ZNF385B: variants seen among roughly 807,000 people sequenced by gnomAD.
The protein encoded by ZNF385B is zinc finger protein 385B, also known as zinc finger protein 533.
Under a neutral mutation model 39.2 loss-of-function variants are expected in ZNF385B, and 23 were observed. The observed-to-expected ratio is 0.59, with a 90% CI of 0.42 to 0.83. The LOEUF (loss-of-function observed/expected upper bound fraction) is 0.83, where lower values mean the gene tolerates loss of function less well. ZNF385B is among the 40% of genes least tolerant of loss of function. ZNF385B has a pLI of 0.00. For missense variants in ZNF385B, 552 were observed against 598.9 expected, an observed-to-expected ratio of 0.92 and a Z score of 0.82; for synonymous variants, 205 against 222.6, an observed-to-expected ratio of 0.92 and a Z score of 0.70.
chr2:179,597,099 A>G (rs1422078263), intron 3 of ZNF385B, among the ~76,000 whole-genome samples: 2 of 152,146 alleles, frequency 1.3e-5, no homozygotes, highest in Admixed American at 6.5e-5. Flanking sequence ...TTTAATGTCC[A>G]TATTTCTACT....
chr2:179,504,535 C>T (rs900449706), intron 5 of ZNF385B, among the ~76,000 whole-genome samples: 2 of 151,910 alleles, frequency 1.3e-5, no homozygotes, highest in Non-Finnish European at 2.9e-5. Context: ...CTCTCCAGCA[C>T]CTGTTGTTTC....
intron 3 of ZNF385B, among the ~76,000 whole-genome samples, chr2:179,700,906 C>G (rs1175932873): frequency 6.6e-6 from 1 of 152,000 alleles, no homozygotes; most frequent in Non-Finnish European, 1.5e-5. Context: ...CGCAGCTACT[C>G]GGGAGGCTGA....
intron 1 of ZNF385B, among the ~76,000 whole-genome samples, chr2:179,779,281 C>T (rs1324345164): frequency 6.6e-6 from 1 of 152,164 alleles, no homozygotes; most frequent in Non-Finnish European, 1.5e-5. Context: ...ATCCTATGTG[C>T]ACAGGTCCGG....
chr2:179,615,886 C>A (rs531992227), intron 3 of ZNF385B, among the ~76,000 whole-genome samples: 76 of 152,190 alleles, frequency 5.0e-4, no homozygotes, highest in African/African-American at 1.8e-3. Context: ...GTGATGGGAC[C>A]AAGAATGATC....
chr2:179,684,969 A>G (rs946985384), intron 3 of ZNF385B, among the ~76,000 whole-genome samples: 5 of 152,226 alleles, frequency 3.3e-5, no homozygotes, highest in Non-Finnish European at 7.3e-5. Context: ...TTATGTCTTA[A>G]CGTTGTTAGA....
intron 3 of ZNF385B, among the ~76,000 whole-genome samples, chr2:179,769,265 C>T (rs1041693660): frequency 9.2e-5 from 14 of 152,066 alleles, no homozygotes; most frequent in Admixed American, 5.2e-4. Context: ...TCTCTGGACC[C>T]ATATACAAAT....
intron 3 of ZNF385B, among the ~76,000 whole-genome samples, chr2:179,701,851 T>C (rs765364434): frequency 9.0e-4 from 137 of 152,172 alleles, no homozygotes; most frequent in Admixed American, 2.4e-3. Context: ...ACCTAGAAAA[T>C]AGGTACATCT....
chr2:179,717,244 G>A (rs752797701), intron 3 of ZNF385B, among the ~76,000 whole-genome samples: 1 of 152,212 alleles, frequency 6.6e-6, no homozygotes, highest in South Asian at 2.1e-4. Context: ...TCCATTTTTG[G>A]CTTCCATGAA....
intron 1 of ZNF385B, among the ~76,000 whole-genome samples, chr2:179,829,614 G>C (rs539721451): frequency 1.7e-4 from 26 of 152,048 alleles, no homozygotes; most frequent in Middle Eastern, 3.4e-3. Context: ...CCTGGGTTCA[G>C]GCCACTCTCC....
chr2:179,756,092 T>C (rs1197660269), intron 3 of ZNF385B, among the ~76,000 whole-genome samples: 1 of 152,178 alleles, frequency 6.6e-6, no homozygotes, highest in African/African-American at 2.4e-5. Flanking sequence ...CTTTACAATT[T>C]GGCATGTTTT....
At chr2:179,709,855 C>G (rs1280222268) in intron 3 of ZNF385B, among the ~76,000 whole-genome samples, 1 of 152,160 alleles carries the variant, frequency 6.6e-6, no homozygotes, top group Non-Finnish European at 1.5e-5. Context: ...GTGTGTACAC[C>G]TGCACAGAGC....
intron 4 of ZNF385B, among the ~76,000 whole-genome samples, chr2:179,541,872 CAA>C (rs980508457): frequency 6.6e-6 from 1 of 152,016 alleles, no homozygotes; most frequent in African/African-American, 2.4e-5. Flanking sequence ...TGATATGGGC[CAA>C]AAGACTCAAG....
chr2:179,842,964 C>T (rs1455251326), intron 1 of ZNF385B, among the ~76,000 whole-genome samples: 3 of 152,140 alleles, frequency 2.0e-5, no homozygotes, highest in African/African-American at 7.2e-5. Flanking sequence ...GGATTCTTTG[C>T]CAAAGCTAGG....
chr2:179,544,007 T>C (rs13030456), intron 4 of ZNF385B, among the ~76,000 whole-genome samples: 43,506 of 152,104 alleles, frequency 0.29, 6,509 homozygotes, highest in Middle Eastern at 0.36. Context: ...TAATGTAGAC[T>C]GTCATGCCCC....
chr2:179,836,513 C>CTTTTTTTT (rs755278598), intron 1 of ZNF385B, among the ~76,000 whole-genome samples: 42,338 of 121,172 alleles, frequency 0.35, 8,092 homozygotes, highest in Admixed American at 0.4. Context: ...CTTGCGTTTT[C>CTTTTTTTT]TTTTTTTTTT....
intron 5 of ZNF385B, among the ~76,000 whole-genome samples, chr2:179,493,485 GTA>G (rs1036727967): frequency 2.7e-4 from 26 of 96,942 alleles, no homozygotes; most frequent in Admixed American, 7.7e-4. Context: ...GTACACATAT[GTA>G]TAAACGTGTG....
At chr2:179,696,127 G>C (rs1253591108) in intron 3 of ZNF385B, among the ~76,000 whole-genome samples, 1 of 152,074 alleles carries the variant, frequency 6.6e-6, no homozygotes, top group Non-Finnish European at 1.5e-5. Context: ...GTGGAGACAG[G>C]GGATAAGCAG....
chr2:179,686,382 C>G (rs935291779), intron 3 of ZNF385B, among the ~76,000 whole-genome samples: 1 of 152,152 alleles, frequency 6.6e-6, no homozygotes, highest in Non-Finnish European at 1.5e-5. Flanking sequence ...GCCACAGTGC[C>G]TACGATGTTA....
intron 3 of ZNF385B, among the ~76,000 whole-genome samples, chr2:179,598,790 G>T (rs1469563685): frequency 6.6e-6 from 1 of 152,004 alleles, no homozygotes; most frequent in Admixed American, 6.6e-5. Flanking sequence ...TGGATGTTTG[G>T]TACATAAAAA....
Sources: allele counts gnomAD v4.1 joint callset (sites outside exome capture counted in the v4.1 genomes callset), GRCh38; gene constraint gnomAD v4.1.1; transcripts MANE v1.5; gene names NCBI Gene and HGNC (gene_info 2026-07-23, HGNC 2026-07-21).